The following VDAC2 variants were observed in gnomAD, a reference collection of about 807,000 sequenced individuals.
VDAC2 encodes voltage dependent anion channel 2, also known as non-selective voltage-gated ion channel VDAC2.
Under a neutral mutation model 36.6 loss-of-function variants are expected in VDAC2, and 6 were observed. The ratio of observed to expected loss-of-function variants is 0.16; its 90% CI spans 0.09 to 0.32. The LOEUF (loss-of-function observed/expected upper bound fraction) is 0.32, where lower values mean the gene tolerates loss of function less well. Among genes scored for constraint, VDAC2 ranks in the 10% least tolerant of loss-of-function variants. The pLI is 1.00. For synonymous variants in VDAC2, 109 were observed against 123.8 expected (o/e 0.88, Z 0.79); for missense variants, 247 against 346.0 (o/e 0.71, Z 2.27).
intron 4 of VDAC2, among the ~76,000 whole-genome samples, chr10:75,216,673 G>C (rs934907452): frequency 1.1e-4 from 16 of 152,154 alleles, no homozygotes; most frequent in African/African-American, 3.6e-4. Flanking sequence ...TGTTGGCTTT[G>C]TTTCTTGAGG....
intron 2 of VDAC2, 150 bp downstream of exon 2, chr10:75,211,339 G>A (rs1841413334): frequency 1.5e-5 from 20 of 1,371,720 alleles, no homozygotes; most frequent in Non-Finnish European, 1.9e-5. Flanking sequence ...CCTCCTCTGC[G>A]GAGGAGGGGC....
chr10:75,210,495 C>G (rs1006493543), upstream of VDAC2: 1 of 152,424 alleles, frequency 6.6e-6, no homozygotes, highest in African/African-American at 2.4e-5. Context: ...CGCCCCGCCC[C>G]GTCCGTGACG....
At chr10:75,214,442 A>G (rs1841534710) in intron 4 of VDAC2, among the ~76,000 whole-genome samples, 1 of 152,230 alleles carries the variant, frequency 6.6e-6, no homozygotes, top group Admixed American at 6.5e-5. Flanking sequence ...TGAGTGTACT[A>G]ATCATTTATA....
intron 8 of VDAC2, among the ~76,000 whole-genome samples, 166 bp downstream of exon 8, chr10:75,222,568 C>T (rs1012680366): frequency 1.3e-5 from 2 of 152,138 alleles, no homozygotes; most frequent in African/African-American, 2.4e-5. Context: ...CAGTGTTAGA[C>T]GTTTTATTTC....
intron 8 of VDAC2, among the ~76,000 whole-genome samples, chr10:75,227,902 T>A (rs111263055): frequency 6.7e-6 from 1 of 148,776 alleles, no homozygotes; most frequent in South Asian, 2.1e-4. Context: ...TTCTTTCTTT[T>A]TTTTTTTTTT....
chr10:75,222,652 G>C (rs1212443092), intron 8 of VDAC2, among the ~76,000 whole-genome samples: 1 of 152,162 alleles, frequency 6.6e-6, no homozygotes, highest in Non-Finnish European at 1.5e-5. Context: ...TGAGCCATAG[G>C]CCTGTCTAAG....
chr10:75,221,499 A>G (rs1224726818), intron 7 of VDAC2, among the ~76,000 whole-genome samples: 1 of 151,918 alleles, frequency 6.6e-6, no homozygotes, highest in Non-Finnish European at 1.5e-5. Flanking sequence ...TGCCTGGCTA[A>G]TTTTTGTATT....
rs1841407273 is a variant in VDAC2, at chr10:75,211,205, A to G, written c.31+16A>G. ...TGCGCGCGTCGTAAGTAAAGCTGGG[A>G]TCTCTGCGGGATGGGGCGGCGGAGA... is the stretch of plus-strand genomic sequence containing the variant. On this transcript the variant is annotated intron_variant, in intron 2 of 9. Transcript: ENST00000332211. The G allele has an allele frequency of 1.2e-6, 2 of 1,612,240 alleles. No homozygotes were observed. The highest frequency in any genetic ancestry group is 1.7e-5 in the Admixed American group (1 of 59,792).
chr10:75,217,953 G>A (rs774627221), intron 4 of VDAC2: 4 of 1,288,412 alleles, frequency 3.1e-6, no homozygotes, highest in Middle Eastern at 2.1e-4. Context: ...TAGGCTTGGC[G>A]TGGTGATGCT....
At chr10:75,229,724 G>A (rs111908110) in intron 9 of VDAC2, 23 bp downstream of exon 9, 2 of 1,567,766 alleles carry the variant, frequency 1.3e-6, no homozygotes, top group Non-Finnish European at 8.6e-7. Context: ...GATAAAGTAG[G>A]ATTGTTTTGA....
intron 6 of VDAC2, among the ~76,000 whole-genome samples, chr10:75,220,410 A>G (rs1590005562): frequency 2.0e-5 from 3 of 152,210 alleles, no homozygotes; most frequent in Admixed American, 1.3e-4. Flanking sequence ...TGCCTGGCCC[A>G]TATCTGCTTT....
chr10:75,217,872 AT>A, intron 4 of VDAC2: 2 of 1,251,012 alleles, frequency 1.6e-6, no homozygotes, highest in Non-Finnish European at 2.1e-6. Context: ...AATTTTTGAT[AT>A]TTCTCACTCT....
chr10:75,224,398 T>TCTAG (rs770837740), intron 8 of VDAC2, among the ~76,000 whole-genome samples: 6 of 152,244 alleles, frequency 3.9e-5, no homozygotes, highest in Non-Finnish European at 8.8e-5. Flanking sequence ...CTAGAGTGGC[T>TCTAG]CTAGCTAGAG....
At chr10:75,230,158 G>A (rs1222096606) in intron 9 of VDAC2, among the ~76,000 whole-genome samples, 1 of 152,144 alleles carries the variant, frequency 6.6e-6, no homozygotes, top group African/African-American at 2.4e-5. Flanking sequence ...CAACTTCAGA[G>A]TGCACATGAC....
Position 75,213,261 on chromosome 10 carries a change from G to T in VDAC2, c.101-760G>T, listed in dbSNP as rs567584687. Among the ~76,000 whole-genome samples the T allele has an allele frequency of 1.6e-4, 24 of 150,510 alleles. 1 individual carries two copies. In the South Asian group the frequency reaches 4.9e-3, roughly 30 times the overall value. On this transcript the variant is annotated intron_variant, in intron 3 of 9. Transcript: ENST00000332211. ...GCCCAGCTTTTTTTTTGTATTTTTA[G>T]TAGAGACGAGGTTTCACCATGTTGG... is the stretch of plus-strand genomic sequence containing the variant.
chr10:75,215,408 G>A (rs1433776165), intron 4 of VDAC2, among the ~76,000 whole-genome samples: 3 of 151,370 alleles, frequency 2.0e-5, no homozygotes, highest in Non-Finnish European at 4.4e-5. Flanking sequence ...CTGGAGTGCA[G>A]TGGCATGATC....
At chr10:75,214,856 T>C (rs1166483378) in intron 4 of VDAC2, among the ~76,000 whole-genome samples, 1 of 150,590 alleles carries the variant, frequency 6.6e-6, no homozygotes, top group Non-Finnish European at 1.5e-5. Context: ...AATATTTTGG[T>C]ATTTGGGTGT....
At chr10:75,224,259 T>G (rs919981070) in intron 8 of VDAC2, among the ~76,000 whole-genome samples, 6 of 152,130 alleles carry the variant, frequency 3.9e-5, no homozygotes, top group Non-Finnish European at 4.4e-5. Flanking sequence ...AAATTATTGC[T>G]TGCTTGGTGT....
At chr10:75,214,445 C>T (rs1233692494) in intron 4 of VDAC2, among the ~76,000 whole-genome samples, 1 of 152,130 alleles carries the variant, frequency 6.6e-6, no homozygotes, top group Non-Finnish European at 1.5e-5. Context: ...GTGTACTAAT[C>T]ATTTATATAA....
Sources: gnomAD v4.1 joint callset for allele counts (sites outside exome capture counted in the v4.1 genomes callset) on GRCh38, gnomAD v4.1.1 for gene constraint, MANE v1.5 for transcripts, NCBI Gene and HGNC (gene_info 2026-07-23, HGNC 2026-07-21) for gene names.